ASCC2: variants seen among roughly 807,000 people sequenced by gnomAD.
The protein encoded by ASCC2 is activating signal cointegrator 1 complex subunit 2.
ASCC2 carries 42 observed loss-of-function variants against 93.5 expected under a neutral mutation model. That is an observed-to-expected ratio of 0.45 (90% CI 0.35 to 0.58). The LOEUF (loss-of-function observed/expected upper bound fraction) is 0.58. Ranked by LOEUF, ASCC2 falls within the 20% of genes least tolerant of loss-of-function variation. ASCC2 has a pLI of 0.00. For synonymous variants in ASCC2, 364 were observed against 384.2 expected, an observed-to-expected ratio of 0.95 and a Z score of 0.62; for missense variants, 859 against 977.6, an observed-to-expected ratio of 0.88 and a Z score of 1.62.
chr22:29,806,113 C>A, intron 12 of ASCC2, 103 bp downstream of exon 12: 1 of 1,326,454 alleles, frequency 7.5e-7, no homozygotes, highest in Non-Finnish European at 1.1e-6. Context: ...CCCATGCGTT[C>A]TGGGGCTAAA....
At chr22:29,808,385 A>G (rs2059923715) in intron 8 of ASCC2, among the ~76,000 whole-genome samples, 200 bp from the exon 9 acceptor site, 1 of 152,174 alleles carries the variant, frequency 6.6e-6, no homozygotes, top group South Asian at 2.1e-4. Flanking sequence ...ATAAGAAGTG[A>G]CCTATAGCCA....
intron 13 of ASCC2, 79 bp from the exon 14 acceptor site, chr22:29,802,287 C>A: frequency 7.0e-7 from 1 of 1,423,534 alleles, no homozygotes; most frequent in Non-Finnish European, 9.7e-7. Context: ...CAGCACTGGA[C>A]TAGGCATCAG....
intron 2 of ASCC2, among the ~76,000 whole-genome samples, chr22:29,828,258 G>C (rs968601794): frequency 1.3e-5 from 2 of 152,186 alleles, no homozygotes; most frequent in Non-Finnish European, 2.9e-5. Flanking sequence ...AGATTGCACT[G>C]GGCGGTGGGA....
chr22:29,789,063 G>A lies in ASCC2; in HGVS notation c.2224C>T (p.Arg742Trp), dbSNP rs569798788. Residue 742 changes from arginine to tryptophan, a missense_variant, in exon 20 of 20, where the codon CGG becomes TGG. Transcript: ENST00000307790. ...ANKATRANHN[R>W]RTMADRKRSK... is the part of the protein sequence containing the mutation. ...CTCTTGCGGTCGGCCATGGTTCTCCGGTTGTGGTTGGCTCTTGTCGCCTTG... is the reference window on the plus strand; with the variant it reads ...CTCTTGCGGTCGGCCATGGTTCTCCAGTTGTGGTTGGCTCTTGTCGCCTTG... 2.0e-5 allele frequency: 33 copies of A among 1,614,146 alleles called. No homozygotes were observed. The East Asian group carries it at 3.3e-4, about 16-fold the overall frequency.
intron 5 of ASCC2, among the ~76,000 whole-genome samples, chr22:29,817,130 C>T (rs1403676552): frequency 3.3e-5 from 5 of 152,146 alleles, no homozygotes; most frequent in Non-Finnish European, 7.3e-5. Flanking sequence ...TTCCTGGATG[C>T]CACTGCATTT....
rs28265 is a variant in ASCC2 at position 29,804,772 on chromosome 22, C to T, written c.1219G>A (p.Asp407Asn). 1 of 1,614,064 alleles carries T rather than the reference C, an allele frequency of 6.2e-7. No homozygotes were observed. The highest frequency in any genetic ancestry group is 2.2e-5 in the East Asian group (1 of 44,882). The change falls in exon 13 of 20, where the codon GAC becomes AAC. Residue 407 changes from aspartate (D) to asparagine (N), a missense_variant. Asp to Asn is a conservative substitution (Grantham distance 23). Transcript: ENST00000307790. The stretch of plus-strand genomic sequence containing the variant: ...TTAGCATCTGTGGCTTTCCGTCTGT[C>T]CACCCCTTCCCATGCACTCTCGACT... The part of the protein sequence containing the change: ...QAVESAWEGV[D>N]RRKATDAKDP...
In ASCC2 at chr22:29,825,641, T is replaced by C; in HGVS notation, c.221A>G (p.His74Arg). ...TGTTACCTGGCACCAGAATTTATCG[T>C]GAGGCAAGGCCAGGAGCCAGTCGAG... is the stretch of plus-strand genomic sequence containing the variant. ...NDLDWLLALP[H>R]DKFWCQVIFD... Residue 74 changes from histidine to arginine, a missense_variant, in exon 3 of 20, where the codon CAC becomes CGC. Transcript: ENST00000307790. This position sits in a 1 kb window ranked among gnomAD's most constrained non-coding sequence, Gnocchi z 4.9. 1.9e-6 allele frequency: 3 copies of C among 1,614,212 alleles called. No homozygotes were observed. The highest frequency in any genetic ancestry group is 2.5e-6 in the Non-Finnish European group (3 of 1,180,034).
At chr22:29,797,765 TA>T (rs2058607418) in intron 15 of ASCC2, among the ~76,000 whole-genome samples, 1 of 152,312 alleles carries the variant, frequency 6.6e-6, no homozygotes, top group Non-Finnish European at 1.5e-5. Flanking sequence ...AATAAAATTT[TA>T]ATTATTATTA....
intron 7 of ASCC2, among the ~76,000 whole-genome samples, chr22:29,814,048 C>T (rs2060567333): frequency 6.6e-6 from 1 of 152,104 alleles, no homozygotes; most frequent in South Asian, 2.1e-4. Context: ...AAAAGGAAAC[C>T]GAGGTTCCGA....
chr22:29,829,707 A>G (rs1024930050), intron 2 of ASCC2, among the ~76,000 whole-genome samples: 4 of 151,992 alleles, frequency 2.6e-5, no homozygotes, highest in African/African-American at 9.7e-5. Context: ...TGGGAAAAAA[A>G]AAAAATGGTT....
At chr22:29,831,439 T>C (rs1482621052) in intron 2 of ASCC2, among the ~76,000 whole-genome samples, 2 of 152,280 alleles carry the variant, frequency 1.3e-5, no homozygotes, top group East Asian at 3.9e-4. Context: ...GGTGAAGTGT[T>C]TAGAATGATC....
chr22:29,826,941 C>CA (rs1180852237), intron 2 of ASCC2, among the ~76,000 whole-genome samples: 9 of 151,474 alleles, frequency 5.9e-5, no homozygotes, highest in African/African-American at 1.9e-4. Flanking sequence ...ACTAAAAATA[C>CA]AAAAAAATTA....
At position 29,825,058 on chromosome 22, in the gene ASCC2, G is replaced by A. The variant is rs1444120781; in HGVS notation, c.411+29C>T. On this transcript the variant is annotated intron_variant, in intron 4 of 19. Coordinates refer to ENST00000307790, the MANE Select transcript of ASCC2 (RefSeq NM_032204.5). This position sits in a 1 kb window ranked among gnomAD's most constrained non-coding sequence, Gnocchi z 4.9. ...GGCACAGAGGTGTCGAGTATCGGGTGATGACCTGTCATGGGATCAGTGGCT... is the reference window on the plus strand; with the variant it reads ...GGCACAGAGGTGTCGAGTATCGGGTAATGACCTGTCATGGGATCAGTGGCT... 2 of 1,398,162 alleles carry A rather than the reference G, an allele frequency of 1.4e-6. No homozygotes were observed. The allele number at this position is 1,398,162 out of a possible 1,614,324, so 86.6% of individuals were successfully genotyped here. A position where few individuals can be genotyped will look rare whatever the true frequency, so the allele number is the denominator to read the frequency against.
rs567260866 is a variant in ASCC2, at chr22:29,794,116, C to T, written c.1689-440G>A. 7.9e-5 allele frequency among the ~76,000 whole-genome samples: 12 copies of T among 151,786 alleles called. No individual in the cohort carries two copies. In the East Asian group the frequency reaches 2.0e-3, roughly 25 times the overall value. On this transcript the variant is annotated intron_variant, in intron 15 of 19. Coordinates refer to ENST00000307790, the MANE Select transcript of ASCC2 (RefSeq NM_032204.5). ...GCCAGGTTGGCCTCAAACTCCTGAC[C>T]GCAAGTGATCCCCCCACCTCAGCCT...
intron 6 of ASCC2, among the ~76,000 whole-genome samples, chr22:29,815,641 T>C (rs988534160): frequency 6.6e-6 from 1 of 152,172 alleles, no homozygotes; most frequent in Non-Finnish European, 1.5e-5. Context: ...TTTTCTACAA[T>C]GAACATTATT....
At chr22:29,805,468 TC>T (rs2059565160) in intron 12 of ASCC2, among the ~76,000 whole-genome samples, 1 of 152,042 alleles carries the variant, frequency 6.6e-6, no homozygotes, top group South Asian at 2.1e-4. Flanking sequence ...TCCATTCTCT[TC>T]CCTGGGCCAG....
chr22:29,803,429 C>T (rs1276564900), intron 13 of ASCC2, among the ~76,000 whole-genome samples: 1 of 152,108 alleles, frequency 6.6e-6, no homozygotes, highest in Non-Finnish European at 1.5e-5. Context: ...TGGGCCTATA[C>T]CACCCACCTC....
chr22:29,825,351 G>A lies in ASCC2; in HGVS notation c.241-94C>T. On this transcript the variant is annotated intron_variant, in intron 3 of 19. Transcript: ENST00000307790. The surrounding 1 kb of genome is among the most constrained non-coding windows in gnomAD (Gnocchi z 4.9). ...CAGGGACTCAATGCCCATCAGCCCT[G>A]CCCTATTCCAAACACTCCGACCCCA... The A allele has an allele frequency of 2.1e-6, 3 of 1,426,630 alleles. No homozygotes were observed. The highest frequency in any genetic ancestry group is 2.8e-5 in the South Asian group (2 of 71,998). 88.4% of individuals were successfully genotyped at this position (1,426,630 alleles called of 1,614,324 possible). A position where few individuals can be genotyped will look rare whatever the true frequency, so the allele number is the denominator to read the frequency against.
intron 2 of ASCC2, among the ~76,000 whole-genome samples, chr22:29,827,791 C>CACACACAA (rs1491484614): frequency 1.1e-5 from 1 of 91,698 alleles, no homozygotes; most frequent in Non-Finnish European, 2.2e-5. Flanking sequence ...CACACACACA[C>CACACACAA]AACCAGGCTA....
Sources: gnomAD v4.1 joint callset for allele counts (sites outside exome capture counted in the v4.1 genomes callset) on GRCh38, gnomAD v4.1.1 for gene constraint, Gnocchi (gnomAD v3.1) non-coding constraint, MANE v1.5 for transcripts, NCBI Gene and HGNC (gene_info 2026-07-23, HGNC 2026-07-21) for gene names.